Variants in CHMP6 observed in about 807,000 individuals in gnomAD.
CHMP6 encodes chromatin-modifying protein 6.
A neutral mutation model predicts 32.8 loss-of-function variants in CHMP6; 10 were observed. That is an observed-to-expected ratio of 0.30 (90% CI 0.19 to 0.52). CHMP6 has a LOEUF of 0.52. Ranked by LOEUF, CHMP6 falls within the 20% of genes least tolerant of loss-of-function variation. The pLI, the probability that CHMP6 is intolerant of heterozygous loss-of-function variation, is 0.97. For synonymous variants in CHMP6, 123 were observed against 105.8 expected (o/e 1.16, Z -1.00); for missense variants, 269 against 263.8 (o/e 1.02, Z -0.14).
chr17:80,995,567 A>G, intron 3 of CHMP6, 105 bp from the exon 4 acceptor site: 1 of 936,282 alleles, frequency 1.1e-6, no homozygotes, highest in Non-Finnish European at 1.7e-6. Flanking sequence ...CCTCACGCCC[A>G]GCAGCACCCG....
In CHMP6 at chr17:80,998,350, C is replaced by CTAA; in HGVS notation, c.496-16_496-15insTAA. ...ACCTGTCACCTGCTCATAGCCTTAC[C>CTAA]CTTTGCTTCTTGCAGGAACAAATAG... On this transcript the variant is annotated splice_polypyrimidine_tract_variant and intron_variant, in intron 6 of 7. Transcript: ENST00000325167. 6.2e-7 allele frequency: 1 copy of CTAA among 1,614,200 alleles called. No individual in the cohort carries two copies. The highest frequency in any genetic ancestry group is 1.1e-5 in the South Asian group (1 of 91,088).
chr17:80,999,484 C>T lies in CHMP6; in HGVS notation c.*331C>T, dbSNP rs2069667651. On this transcript the variant is annotated 3_prime_UTR_variant, in exon 8 of 8. Transcript: ENST00000325167. ...CCCCTGCAGTCCCAGCCCCGCGTGG[C>T]TCGCGCTCGTCTGTGAGGAAGACAC... 9.5e-6 allele frequency: 3 copies of T among 314,204 alleles called. No homozygotes were observed. The South Asian group carries it at 1.1e-4, about 12-fold the overall frequency. The allele number at this position is 314,204 out of a possible 1,614,324, so 19.5% of individuals were successfully genotyped here.
chr17:80,997,825 C>T (rs534818760), intron 6 of CHMP6, among the ~76,000 whole-genome samples: 3 of 152,258 alleles, frequency 2.0e-5, no homozygotes, highest in Non-Finnish European at 4.4e-5. Context: ...CCCAGCCCTG[C>T]TGCCAGCTGC....
intron 6 of CHMP6, among the ~76,000 whole-genome samples, chr17:80,998,090 G>T (rs942906534): frequency 2.6e-5 from 4 of 152,332 alleles, no homozygotes; most frequent in African/African-American, 9.6e-5. Flanking sequence ...GGTCTCTGGG[G>T]CACACCCAGG....
chr17:80,996,254 G>A (rs537368781), intron 4 of CHMP6, among the ~76,000 whole-genome samples: 1 of 151,984 alleles, frequency 6.6e-6, no homozygotes, highest in South Asian at 2.1e-4. Flanking sequence ...GGGAGGCAGA[G>A]GTTGCAGTGA....
At chr17:80,998,477 C>T in intron 7 of CHMP6, 57 bp downstream of exon 7, 4 of 1,613,168 alleles carry the variant, frequency 2.5e-6, no homozygotes, top group Non-Finnish European at 3.4e-6. Context: ...AAAGTGGATT[C>T]TAGAAGGGAA....
chr17:80,996,937 A>G lies in CHMP6; in HGVS notation c.349-70A>G. The G allele has an allele frequency of 2.1e-6, 3 of 1,442,274 alleles. 1 individual carries two copies. In the South Asian group the frequency reaches 3.7e-5, roughly 18 times the overall value. 89.3% of individuals were successfully genotyped at this position (1,442,274 alleles called of 1,614,324 possible). A position where few individuals can be genotyped will look rare whatever the true frequency, so the allele number is the denominator to read the frequency against. ...GGTGAGGCCATGGCCCTGAGAGCCC[A>G]GGAGGCCTCTGTCGGGGGTCTACCA... is the stretch of plus-strand genomic sequence containing the variant. On this transcript the variant is annotated intron_variant, in intron 4 of 7. Coordinates refer to ENST00000325167, the MANE Select transcript of CHMP6 (RefSeq NM_024591.5).
In CHMP6 at chr17:80,999,464, G is replaced by C. The variant is rs1380290041; in HGVS notation, c.*311G>C. ...CCAACGCCTCTGGTGCTGTTCCCCT[G>C]CAGTCCCAGCCCCGCGTGGCTCGCG... On this transcript the variant is annotated 3_prime_UTR_variant, in exon 8 of 8. Coordinates refer to ENST00000325167, the MANE Select transcript of CHMP6 (RefSeq NM_024591.5). The C allele has an allele frequency of 7.8e-6, 3 of 385,216 alleles. No homozygotes were observed. The highest frequency in any genetic ancestry group is 4.0e-5 in the Admixed American group (1 of 24,790). The allele number at this position is 385,216 out of a possible 1,614,324, so 23.9% of individuals were successfully genotyped here.
intron 6 of CHMP6, among the ~76,000 whole-genome samples, 157 bp from the exon 7 acceptor site, chr17:80,998,209 C>T (rs544955662): frequency 1.3e-5 from 2 of 152,288 alleles, no homozygotes; most frequent in African/African-American, 2.4e-5. Context: ...GAAGCCGGGG[C>T]GGTTGCAGAC....
intron 7 of CHMP6, 152 bp downstream of exon 7, chr17:80,998,572 C>T (rs755426607): frequency 1.3e-6 from 2 of 1,510,540 alleles, no homozygotes; most frequent in African/African-American, 2.8e-5. Flanking sequence ...CGTGCCTGGC[C>T]TTGGGGTTGG....
rs1192452764 is a variant in CHMP6 at position 80,998,419 on chromosome 17, A to T, written c.549A>T (p.Pro183=). The T allele has an allele frequency of 6.2e-7, 1 of 1,614,200 alleles. No individual in the cohort carries two copies. ...CCGAGCCCCTTCCTGAGAAGATCCC[A>T]GGTATTTCCATGTTTGATTCTTTTG... is the stretch of plus-strand genomic sequence containing the variant. ...VPSEPLPEKI[P]ENVPVKARPR... The change falls in exon 7 of 8, where the codon CCA becomes CCT. Residue 183 remains proline, a splice_region_variant and synonymous_variant. Coordinates refer to ENST00000325167, the MANE Select transcript of CHMP6 (RefSeq NM_024591.5).
chr17:80,995,156 C>T (rs752536908), intron 3 of CHMP6, 50 bp downstream of exon 3: 32 of 1,526,578 alleles, frequency 2.1e-5, no homozygotes, highest in Non-Finnish European at 2.6e-5. Flanking sequence ...CTGGAGGCAG[C>T]TCCGCCCGGC....
At chr17:80,998,177 C>G (rs1284898565) in intron 6 of CHMP6, among the ~76,000 whole-genome samples, 189 bp from the exon 7 acceptor site, 1 of 152,184 alleles carries the variant, frequency 6.6e-6, no homozygotes, top group Non-Finnish European at 1.5e-5. Context: ...GCGTCACCAC[C>G]TAGGGGATTC....
intron 1 of CHMP6, 120 bp downstream of exon 1, chr17:80,992,101 GCGC>G: frequency 6.6e-6 from 4 of 609,594 alleles, no homozygotes; most frequent in Non-Finnish European, 9.2e-6. Context: ...GGAAACTGAG[GCGC>G]AGCGCGCAGC....
At chr17:80,995,786 G>A in intron 4 of CHMP6, 28 bp downstream of exon 4, 1 of 1,604,394 alleles carries the variant, frequency 6.2e-7, no homozygotes, top group Non-Finnish European at 8.5e-7. Flanking sequence ...CAGGGGCATG[G>A]AGGTGTGGGG....
intron 4 of CHMP6, among the ~76,000 whole-genome samples, chr17:80,996,043 TGGC>T (rs1404803014): frequency 1.3e-5 from 2 of 151,062 alleles, no homozygotes. Flanking sequence ...TTCCTGGAGG[TGGC>T]GGGTGTGGTG....
chr17:80,998,808 C>T (rs1598440689), intron 7 of CHMP6: 4 of 773,464 alleles, frequency 5.2e-6, no homozygotes, highest in African/African-American at 1.8e-5. Context: ...ACTTTAGAAC[C>T]GTCCATCCAC....
intron 7 of CHMP6, 51 bp downstream of exon 7, chr17:80,998,471 T>C (rs1442464617): frequency 3.1e-6 from 5 of 1,613,318 alleles, no homozygotes; most frequent in Non-Finnish European, 4.2e-6. Context: ...AGGAGAAAAG[T>C]GGATTCTAGA....
Position 80,999,237 on chromosome 17 carries a change from G to T in CHMP6, c.*84G>T. On this transcript the variant is annotated 3_prime_UTR_variant, in exon 8 of 8. Transcript: ENST00000325167. Reference sequence around the variant, plus strand: ...TTTGGGTCACGGCCAGCCCCTGACCGGGTTCCCTGGAGCCCAGTGCGCACG... The same window carrying T: ...TTTGGGTCACGGCCAGCCCCTGACCTGGTTCCCTGGAGCCCAGTGCGCACG... 6.6e-7 allele frequency: 1 copy of T among 1,519,204 alleles called. No individual in the cohort carries two copies. The highest frequency in any genetic ancestry group is 1.1e-5 in the South Asian group (1 of 88,670). The allele number at this position is 1,519,204 out of a possible 1,614,324, so 94.1% of individuals were successfully genotyped here.
Sources: gnomAD v4.1 joint callset for allele counts (sites outside exome capture counted in the v4.1 genomes callset) on GRCh38, gnomAD v4.1.1 for gene constraint, MANE v1.5 for transcripts, NCBI Gene and HGNC (gene_info 2026-07-23, HGNC 2026-07-21) for gene names.